MACROD2: variants seen among roughly 807,000 people sequenced by gnomAD.
The protein encoded by MACROD2 is ADP-ribose glycohydrolase MACROD2.
Under a neutral mutation model 70.4 loss-of-function variants are expected in MACROD2, and 36 were observed. The observed-to-expected ratio is 0.51, with a 90% CI of 0.39 to 0.68. The LOEUF is 0.68. Among genes scored for constraint, MACROD2 ranks in the 30% least tolerant of loss-of-function variants. The pLI is 0.00. For synonymous variants in MACROD2, 172 were observed against 178.8 expected (o/e 0.96, Z 0.30); for missense variants, 496 against 538.4 (o/e 0.92, Z 0.78).
intron 4 of MACROD2, among the ~76,000 whole-genome samples, chr20:14,495,255 A>G (rs1433935536): frequency 6.6e-6 from 1 of 152,164 alleles, no homozygotes; most frequent in Non-Finnish European, 1.5e-5. Context: ...CTCAGCTCTT[A>G]CTTTTCTGTT....
At chr20:14,946,808 AAT>A (rs2074436357) in intron 5 of MACROD2, among the ~76,000 whole-genome samples, 1 of 152,196 alleles carries the variant, frequency 6.6e-6, no homozygotes, top group Non-Finnish European at 1.5e-5. Context: ...TATTTCTTTT[AAT>A]TCACTTTCAT....
chr20:14,909,857 T>C (rs2074005190), intron 5 of MACROD2, among the ~76,000 whole-genome samples: 1 of 152,194 alleles, frequency 6.6e-6, no homozygotes. Flanking sequence ...GATTATATTG[T>C]GGTCACTTTA....
chr20:15,160,471 A>G (rs1233943149), intron 5 of MACROD2, among the ~76,000 whole-genome samples: 1 of 152,160 alleles, frequency 6.6e-6, no homozygotes, highest in Admixed American at 6.5e-5. Flanking sequence ...CTGAAGAAGT[A>G]CTAGTCATAT....
At chr20:15,720,842 G>T (rs1428915128) in intron 8 of MACROD2, among the ~76,000 whole-genome samples, 1 of 152,138 alleles carries the variant, frequency 6.6e-6, no homozygotes, top group Non-Finnish European at 1.5e-5. Flanking sequence ...TTTCTAAAAT[G>T]AAAATATAGT....
chr20:14,219,972 T>G (rs983036684), intron 3 of MACROD2, among the ~76,000 whole-genome samples: 1 of 152,090 alleles, frequency 6.6e-6, no homozygotes, highest in Admixed American at 6.6e-5. Flanking sequence ...TTCTTAGCAT[T>G]GATGGTTTAA....
intron 2 of MACROD2, among the ~76,000 whole-genome samples, chr20:14,048,235 A>G (rs2053507160): frequency 6.6e-6 from 1 of 152,168 alleles, no homozygotes. Flanking sequence ...TCCCTGATGG[A>G]CTGAAACTAG....
intron 5 of MACROD2, among the ~76,000 whole-genome samples, chr20:14,801,996 T>G (rs2072582006): frequency 6.6e-6 from 1 of 152,086 alleles, no homozygotes; most frequent in African/African-American, 2.4e-5. Context: ...GACTTCAACA[T>G]AATTAATTCT....
At chr20:14,175,381 G>A (rs1026819333) in intron 3 of MACROD2, among the ~76,000 whole-genome samples, 1 of 152,206 alleles carries the variant, frequency 6.6e-6, no homozygotes, top group African/African-American at 2.4e-5. Flanking sequence ...TGCTAATGAA[G>A]TGTGGAGGGA....
At chr20:15,736,217 A>C (rs1176245542) in intron 8 of MACROD2, among the ~76,000 whole-genome samples, 1 of 152,242 alleles carries the variant, frequency 6.6e-6, no homozygotes, top group East Asian at 1.9e-4. Flanking sequence ...TCACAAGTTT[A>C]GAGTCACATT....
intron 3 of MACROD2, among the ~76,000 whole-genome samples, chr20:14,180,165 A>G (rs1032150161): frequency 6.6e-6 from 1 of 151,882 alleles, no homozygotes; most frequent in Admixed American, 6.6e-5. Context: ...TGTTCTCTAG[A>G]CTGTTATTGG....
intron 3 of MACROD2, among the ~76,000 whole-genome samples, chr20:14,423,939 T>C (rs927439521): frequency 8.6e-5 from 13 of 151,632 alleles, no homozygotes; most frequent in African/African-American, 2.9e-4. Flanking sequence ...ATTTTGTATT[T>C]TTAGTAGAGA....
intron 5 of MACROD2, among the ~76,000 whole-genome samples, chr20:14,811,768 G>A (rs1428333403): frequency 6.6e-6 from 1 of 151,982 alleles, no homozygotes; most frequent in Non-Finnish European, 1.5e-5. Context: ...GTGGGCAAAG[G>A]ATATGAATGG....
At chr20:15,092,709 A>G (rs1319485169) in intron 5 of MACROD2, among the ~76,000 whole-genome samples, 1 of 152,138 alleles carries the variant, frequency 6.6e-6, no homozygotes, top group African/African-American at 2.4e-5. Context: ...TGGAGAAAAA[A>G]TATAAATATT....
chr20:14,467,938 C>T (rs946904012), intron 3 of MACROD2, among the ~76,000 whole-genome samples: 10 of 152,104 alleles, frequency 6.6e-5, no homozygotes, highest in African/African-American at 2.4e-4. Flanking sequence ...GTTTCTTTAT[C>T]CTGAGTTCTA....
rs954855416 is a variant in MACROD2 at position 14,460,931 on chromosome 20, CT to C, written c.272-32547del. Among the ~76,000 whole-genome samples the C allele has an allele frequency of 2.4e-4, 37 of 151,884 alleles. 1 individual carries two copies. The highest frequency in any genetic ancestry group is 8.0e-4 in the African/African-American group (33 of 41,370). On this transcript the variant is annotated intron_variant, in intron 3 of 17. Transcript: ENST00000684519. ...GTTTTGGTATCAGGATGATGCTGGCCTCATAAAATGAGTTAGGGAGGATTCC... is the reference window on the plus strand; with the variant it reads ...GTTTTGGTATCAGGATGATGCTGGCCCATAAAATGAGTTAGGGAGGATTCC...
At chr20:14,643,820 C>A (rs1289782769) in intron 4 of MACROD2, among the ~76,000 whole-genome samples, 2 of 152,034 alleles carry the variant, frequency 1.3e-5, no homozygotes, top group African/African-American at 4.8e-5. Flanking sequence ...GTACCTGAAA[C>A]CTGGTATTTT....
At chr20:14,491,092 G>A (rs1381805555) in intron 3 of MACROD2, among the ~76,000 whole-genome samples, 1 of 152,140 alleles carries the variant, frequency 6.6e-6, no homozygotes, top group Non-Finnish European at 1.5e-5. Context: ...TTTCACTTCT[G>A]TAAAATGGAA....
intron 3 of MACROD2, among the ~76,000 whole-genome samples, chr20:14,422,578 TA>T (rs1412123311): frequency 3.3e-5 from 5 of 152,184 alleles, no homozygotes; most frequent in East Asian, 1.9e-4. Context: ...ATTCTACAGG[TA>T]TTTTTTTTGT....
chr20:15,334,393 T>C (rs1028308410), intron 6 of MACROD2, among the ~76,000 whole-genome samples: 2 of 151,686 alleles, frequency 1.3e-5, no homozygotes, highest in Non-Finnish European at 2.9e-5. Flanking sequence ...TAGTAAAAGA[T>C]TACATAGTGT....
Sources: allele counts gnomAD v4.1 joint callset (sites outside exome capture counted in the v4.1 genomes callset), GRCh38; gene constraint gnomAD v4.1.1; transcripts MANE v1.5; gene names NCBI Gene and HGNC (gene_info 2026-07-23, HGNC 2026-07-21).